RHEB: variants seen among roughly 807,000 people sequenced by gnomAD.
RHEB encodes Ras homolog, mTORC1 binding, also known as GTP-binding protein Rheb.
In RHEB, 2 loss-of-function variants were observed where a neutral mutation model predicts 28.8. That is an observed-to-expected ratio of 0.07 (90% CI 0.03 to 0.22). The LOEUF (loss-of-function observed/expected upper bound fraction) is 0.22, where lower values mean the gene tolerates loss of function less well. Ranked by LOEUF, RHEB falls within the 10% of genes least tolerant of loss-of-function variation. RHEB has a pLI of 1.00. For synonymous variants in RHEB, 69 were observed against 77.3 expected (o/e 0.89, Z 0.56); for missense variants, 76 against 219.9 (o/e 0.35, Z 4.14).
intron 3 of RHEB, among the ~76,000 whole-genome samples, chr7:151,483,381 C>T (rs1414510878): frequency 6.6e-6 from 1 of 152,156 alleles, no homozygotes; most frequent in East Asian, 1.9e-4. Flanking sequence ...CAAACCAGAT[C>T]ACACTACACT....
chr7:151,482,071 C>T (rs991534228), intron 3 of RHEB, among the ~76,000 whole-genome samples: 14 of 152,214 alleles, frequency 9.2e-5, no homozygotes, highest in African/African-American at 3.4e-4. Flanking sequence ...AGAACATGTG[C>T]ACTTCCACCA....
Position 151,468,010 on chromosome 7 carries a change from C to T in RHEB, c.463-799G>A, listed in dbSNP as rs78072789. ...CACCAGGACAACAGGCCTGAGCCACCGTGACTCCCAGACCCTGTCCTTGAA... is the reference window on the plus strand; with the variant it reads ...CACCAGGACAACAGGCCTGAGCCACTGTGACTCCCAGACCCTGTCCTTGAA... On this transcript the variant is annotated intron_variant, in intron 7 of 7. Transcript: ENST00000262187. The surrounding 1 kb of genome is among the most constrained non-coding windows in gnomAD (Gnocchi z 4.3). Among the ~76,000 whole-genome samples the T allele has an allele frequency of 0.01, 1,553 of 152,204 alleles. 24 individuals are homozygous for T. Among genetic ancestry groups the T allele is most frequent in the African/African-American group, 0.035 (1,436 of 41,522 alleles).
intron 1 of RHEB, among the ~76,000 whole-genome samples, chr7:151,496,814 C>G (rs540103592): frequency 6.6e-6 from 1 of 152,218 alleles, no homozygotes; most frequent in South Asian, 2.1e-4. Flanking sequence ...GAGTCTTGCT[C>G]TGTTGCCCAG....
chr7:151,494,100 C>A (rs775283543), intron 1 of RHEB, among the ~76,000 whole-genome samples: 10 of 151,818 alleles, frequency 6.6e-5, no homozygotes, highest in African/African-American at 2.2e-4. Context: ...GGAAAGAAAG[C>A]GATCATTTTC....
At chr7:151,493,224 C>G (rs1340621422) in intron 1 of RHEB, among the ~76,000 whole-genome samples, 1 of 152,178 alleles carries the variant, frequency 6.6e-6, no homozygotes, top group South Asian at 2.1e-4. Flanking sequence ...CGCCAACAGC[C>G]CCCGACAACC....
At chr7:151,514,202 C>T (rs1365226163) in intron 1 of RHEB, among the ~76,000 whole-genome samples, 2 of 152,160 alleles carry the variant, frequency 1.3e-5, no homozygotes, top group African/African-American at 4.8e-5. Flanking sequence ...ATCCCTCCCT[C>T]ACATCATATA....
chr7:151,488,555 T>C lies in RHEB; in HGVS notation c.124+2388A>G, dbSNP rs925831194. ...TGAACAATGTTTTTCTACCAAACAGTGGAGGAAAGGGTGGGCGAAGGGCTC... is the reference window on the plus strand; with the variant it reads ...TGAACAATGTTTTTCTACCAAACAGCGGAGGAAAGGGTGGGCGAAGGGCTC... On this transcript the variant is annotated intron_variant, in intron 2 of 7. Coordinates refer to ENST00000262187, the MANE Select transcript of RHEB (RefSeq NM_005614.4). Among the ~76,000 whole-genome samples the C allele has an allele frequency of 6.6e-4, 100 of 152,180 alleles. 1 individual carries two copies. Among genetic ancestry groups the C allele is most frequent in the South Asian group, 2.1e-4 (1 of 4,832 alleles).
At chr7:151,490,347 T>A (rs1413635408) in intron 2 of RHEB, among the ~76,000 whole-genome samples, 1 of 152,222 alleles carries the variant, frequency 6.6e-6, no homozygotes, top group African/African-American at 2.4e-5. Context: ...AAACCATGGA[T>A]TAAAATTGAA....
At chr7:151,499,354 A>T (rs1362743189) in intron 1 of RHEB, among the ~76,000 whole-genome samples, 1 of 152,226 alleles carries the variant, frequency 6.6e-6, no homozygotes, top group Non-Finnish European at 1.5e-5. Context: ...GTGAAACTCT[A>T]TAAAAAACGA....
intron 3 of RHEB, among the ~76,000 whole-genome samples, chr7:151,481,366 T>TG (rs1802379693): frequency 6.6e-6 from 1 of 152,242 alleles, no homozygotes; most frequent in African/African-American, 2.4e-5. Context: ...AATACCGCTA[T>TG]GCAGCAATTC....
At chr7:151,483,361 T>C (rs532808685) in intron 3 of RHEB, among the ~76,000 whole-genome samples, 22 of 152,316 alleles carry the variant, frequency 1.4e-4, no homozygotes, top group Non-Finnish European at 2.2e-4. Context: ...ATAGCCCCCA[T>C]TTAACACAGC....
chr7:151,473,967 C>T (rs1295440346), intron 4 of RHEB, among the ~76,000 whole-genome samples: 2 of 152,102 alleles, frequency 1.3e-5, no homozygotes, highest in East Asian at 3.9e-4. Context: ...AGACTGTTTC[C>T]CAAGCATCTC....
intron 1 of RHEB, among the ~76,000 whole-genome samples, chr7:151,497,010 C>T (rs765132961): frequency 3.4e-5 from 5 of 148,946 alleles, no homozygotes; most frequent in African/African-American, 5.0e-5. Flanking sequence ...AGGATGGTCT[C>T]GATCCCTGGT....
chr7:151,505,053 A>C (rs570728111), intron 1 of RHEB, among the ~76,000 whole-genome samples: 29 of 151,086 alleles, frequency 1.9e-4, no homozygotes, highest in African/African-American at 5.6e-4. Context: ...GAAAAAAAAA[A>C]CCCAAAAAAC....
At chr7:151,515,180 C>G (rs543667679) in intron 1 of RHEB, among the ~76,000 whole-genome samples, 1 of 151,738 alleles carries the variant, frequency 6.6e-6, no homozygotes, top group Non-Finnish European at 1.5e-5. Context: ...CAGGAAGAAG[C>G]GACATATGCT....
chr7:151,471,784 G>A, intron 4 of RHEB, 179 bp from the exon 5 acceptor site: 1 of 545,076 alleles, frequency 1.8e-6, no homozygotes, highest in East Asian at 3.1e-5. Flanking sequence ...GCATACATCT[G>A]ACACTCAGCA....
At chr7:151,480,099 T>C (rs559492852) in intron 3 of RHEB, among the ~76,000 whole-genome samples, 21 of 152,002 alleles carry the variant, frequency 1.4e-4, no homozygotes, top group South Asian at 1.0e-3. Context: ...TGTAGGGAAA[T>C]AGACACTCTC....
intron 1 of RHEB, among the ~76,000 whole-genome samples, chr7:151,501,251 TAACTC>T (rs1191600976): frequency 6.6e-6 from 1 of 152,188 alleles, no homozygotes; most frequent in Non-Finnish European, 1.5e-5. Flanking sequence ...TTCACTCTCA[TAACTC>T]AACAACAAGA....
chr7:151,482,258 G>A (rs1010723409), intron 3 of RHEB, among the ~76,000 whole-genome samples: 2 of 152,178 alleles, frequency 1.3e-5, no homozygotes, highest in Non-Finnish European at 2.9e-5. Flanking sequence ...ACCCTTTTAT[G>A]TAAAGAGATG....
Sources: allele counts gnomAD v4.1 joint callset (sites outside exome capture counted in the v4.1 genomes callset), GRCh38; gene constraint gnomAD v4.1.1; non-coding constraint Gnocchi (gnomAD v3.1); transcripts MANE v1.5; gene names NCBI Gene and HGNC (gene_info 2026-07-23, HGNC 2026-07-21).